Variants in LRRC4C observed in about 807,000 individuals in gnomAD.
LRRC4C encodes leucine-rich repeat-containing protein 4C.
Under a neutral mutation model 33.6 loss-of-function variants are expected in LRRC4C, and 5 were observed. The ratio of observed to expected loss-of-function variants is 0.15; its 90% CI spans 0.08 to 0.31. The LOEUF is 0.31. Ranked by LOEUF, LRRC4C falls within the 10% of genes least tolerant of loss-of-function variation. The probability of loss-of-function intolerance (pLI) is 1.00; values close to 1 mark genes in which losing one functional copy is unlikely to be tolerated. For missense variants in LRRC4C, 560 were observed against 796.7 expected (o/e 0.70, Z 3.58); for synonymous variants, 329 against 302.0 (o/e 1.09, Z -0.93).
rs369846275 is a variant in LRRC4C at position 40,125,439 on chromosome 11, G to C, written c.-42-9105C>G. 3.9e-5 allele frequency among the ~76,000 whole-genome samples: 6 copies of C among 152,118 alleles called. No homozygotes were observed. The South Asian group carries it at 1.2e-3, about 32-fold the overall frequency. On this transcript the variant is annotated intron_variant, in intron 6 of 6. Transcript: ENST00000528697. The stretch of plus-strand genomic sequence containing the variant: ...AGCTGAATTAATGAACCCTGTAACT[G>C]TTTTTCCTCTGGACTTCTTATTATG...
chr11:40,441,469 G>C (rs1449062702), intron 3 of LRRC4C, among the ~76,000 whole-genome samples: 1 of 152,068 alleles, frequency 6.6e-6, no homozygotes, highest in African/African-American at 2.4e-5. Context: ...TACTTTTTTT[G>C]TGATACAATG....
chr11:41,277,945 T>C (rs531925428), intron 1 of LRRC4C, among the ~76,000 whole-genome samples: 1 of 151,948 alleles, frequency 6.6e-6, no homozygotes, highest in African/African-American at 2.4e-5. Context: ...GAAAGACAAA[T>C]AACGCGTGAT....
At chr11:40,657,244 C>A (rs1943169462) in intron 2 of LRRC4C, among the ~76,000 whole-genome samples, 1 of 152,184 alleles carries the variant, frequency 6.6e-6, no homozygotes, top group South Asian at 2.1e-4. Context: ...CTTCATGTTT[C>A]TTCCAGATGT....
intron 1 of LRRC4C, among the ~76,000 whole-genome samples, chr11:41,009,603 G>C (rs528729086): frequency 1.3e-5 from 2 of 152,088 alleles, no homozygotes; most frequent in Non-Finnish European, 2.9e-5. Context: ...GCCTGCAGAA[G>C]CCTCAGTCAG....
intron 3 of LRRC4C, among the ~76,000 whole-genome samples, chr11:40,480,513 T>C (rs1423669375): frequency 6.6e-6 from 1 of 152,006 alleles, no homozygotes; most frequent in East Asian, 1.9e-4. Flanking sequence ...AAAAACTACC[T>C]GTCAGGTACT....
intron 1 of LRRC4C, among the ~76,000 whole-genome samples, chr11:41,372,314 C>A (rs1325462346): frequency 6.6e-6 from 1 of 152,188 alleles, no homozygotes; most frequent in African/African-American, 2.4e-5. Flanking sequence ...TTAGCTCCTT[C>A]AGTGAATACA....
At chr11:41,236,416 G>A (rs1419335957) in intron 1 of LRRC4C, among the ~76,000 whole-genome samples, 4 of 151,924 alleles carry the variant, frequency 2.6e-5, no homozygotes, top group African/African-American at 9.7e-5. Context: ...TAACAAAACC[G>A]AGTCTAAGAC....
rs536651782 is a variant in LRRC4C at position 40,561,482 on chromosome 11, T to G, written c.-270+86660A>C. ...GGCTGGATTGTAGTGGCGCAATCTC[T>G]GCTCACTGCAAGCTCTGCCTCCCAG... On this transcript the variant is annotated intron_variant, in intron 3 of 6. Transcript: ENST00000528697. Among the ~76,000 whole-genome samples, 374 of 145,660 alleles carry G rather than the reference T, an allele frequency of 2.6e-3. 1 individual carries two copies. The highest frequency in any genetic ancestry group is 8.9e-3 in the African/African-American group (351 of 39,338).
At chr11:40,408,374 G>A (rs1272694494) in intron 3 of LRRC4C, among the ~76,000 whole-genome samples, 4 of 151,922 alleles carry the variant, frequency 2.6e-5, no homozygotes, top group Admixed American at 2.6e-4. Context: ...AAAAGCCTAT[G>A]TTTAAACACC....
chr11:41,328,259 A>T (rs17519982), intron 1 of LRRC4C, among the ~76,000 whole-genome samples: 12,721 of 152,268 alleles, frequency 0.084, 634 homozygotes, highest in Middle Eastern at 0.14. Flanking sequence ...AGTAAAAATC[A>T]CTTCAGTCCC....
At chr11:40,690,891 G>C (rs558136530) in intron 2 of LRRC4C, among the ~76,000 whole-genome samples, 13 of 152,100 alleles carry the variant, frequency 8.5e-5, no homozygotes, top group African/African-American at 3.1e-4. Context: ...AAACTTAAAA[G>C]AAGAAAGGAC....
intron 2 of LRRC4C, among the ~76,000 whole-genome samples, chr11:40,819,062 A>G (rs542083922): frequency 2.0e-5 from 3 of 152,246 alleles, no homozygotes; most frequent in African/African-American, 7.2e-5. Flanking sequence ...TTTAAAGAAA[A>G]TCTGAAAGGA....
chr11:40,804,525 C>T (rs72898776), intron 2 of LRRC4C, among the ~76,000 whole-genome samples: 13,340 of 152,214 alleles, frequency 0.088, 861 homozygotes, highest in Non-Finnish European at 0.14. Flanking sequence ...AGTCACTTGG[C>T]TAATAAGCCT....
At chr11:41,359,231 G>A in intron 1 of LRRC4C, among the ~76,000 whole-genome samples, 1 of 152,202 alleles carries the variant, frequency 6.6e-6, no homozygotes, top group East Asian at 1.9e-4. Context: ...AGTCTTCAGA[G>A]TGGTGAAAAA....
intron 1 of LRRC4C, among the ~76,000 whole-genome samples, chr11:41,419,543 TC>T (rs755398013): frequency 6.6e-6 from 1 of 151,658 alleles, no homozygotes; most frequent in Non-Finnish European, 1.5e-5. Flanking sequence ...ATGGGGAAAA[TC>T]AGAAAGGTCA....
intron 3 of LRRC4C, among the ~76,000 whole-genome samples, chr11:40,535,054 AG>A (rs1427386005): frequency 1.3e-5 from 2 of 152,198 alleles, no homozygotes; most frequent in Non-Finnish European, 2.9e-5. Context: ...CAAATGGTAG[AG>A]GAAAAAAACA....
intron 2 of LRRC4C, among the ~76,000 whole-genome samples, chr11:40,836,976 T>C (rs1299372873): frequency 1.3e-5 from 2 of 152,160 alleles, no homozygotes; most frequent in African/African-American, 4.8e-5. Flanking sequence ...ACTAGTGACA[T>C]GGCCTGTAAT....
intron 3 of LRRC4C, among the ~76,000 whole-genome samples, chr11:40,563,770 C>A (rs1331749923): frequency 1.3e-5 from 2 of 152,158 alleles, no homozygotes; most frequent in Non-Finnish European, 2.9e-5. Context: ...AAAAGCCTGG[C>A]TTTACAGACT....
At chr11:41,410,187 G>A (rs980741303) in intron 1 of LRRC4C, among the ~76,000 whole-genome samples, 5 of 152,096 alleles carry the variant, frequency 3.3e-5, no homozygotes, top group Non-Finnish European at 5.9e-5. Flanking sequence ...CCAGTCTAGG[G>A]TGAGCTCTTA....
Sources: gnomAD v4.1 joint callset for allele counts (sites outside exome capture counted in the v4.1 genomes callset) on GRCh38, gnomAD v4.1.1 for gene constraint, MANE v1.5 for transcripts, NCBI Gene and HGNC (gene_info 2026-07-23, HGNC 2026-07-21) for gene names.